Variants in CNTN5 observed in about 807,000 individuals in gnomAD.
The protein encoded by CNTN5 is contactin-5.
A neutral mutation model predicts 129.1 loss-of-function variants in CNTN5; 77 were observed. That is an observed-to-expected ratio of 0.60 (90% CI 0.50 to 0.72). The LOEUF is 0.72. CNTN5 is among the 30% of genes least tolerant of loss of function. CNTN5 has a pLI of 0.00. For missense variants in CNTN5, 1,478 were observed against 1,328.8 expected (o/e 1.11, Z -1.75); for synonymous variants, 509 against 465.6 (o/e 1.09, Z -1.20).
chr11:99,866,185 T>C (rs1565619789), intron 6 of CNTN5, among the ~76,000 whole-genome samples: 1 of 152,160 alleles, frequency 6.6e-6, no homozygotes, highest in Non-Finnish European at 1.5e-5. Flanking sequence ...ATGGTTTTGC[T>C]CTCTAGTGCA....
At chr11:100,304,446 A>G (rs1303924380) in intron 20 of CNTN5, among the ~76,000 whole-genome samples, 1 of 151,606 alleles carries the variant, frequency 6.6e-6, no homozygotes, top group Non-Finnish European at 1.5e-5. Context: ...GACATGACTG[A>G]GAAGGAGCTG....
chr11:99,355,069 T>C (rs1938549095), intron 2 of CNTN5, among the ~76,000 whole-genome samples: 1 of 152,206 alleles, frequency 6.6e-6, no homozygotes, highest in Non-Finnish European at 1.5e-5. Flanking sequence ...TGCTCCCTTA[T>C]TTTATTTAAA....
intron 15 of CNTN5, among the ~76,000 whole-genome samples, chr11:100,214,363 C>T (rs577126600): frequency 6.6e-6 from 1 of 152,226 alleles, no homozygotes; most frequent in Admixed American, 6.5e-5. Flanking sequence ...TCGTGCTAGG[C>T]CTTCTTTCCA....
chr11:99,651,380 A>G (rs895057590), intron 3 of CNTN5, among the ~76,000 whole-genome samples: 1 of 151,966 alleles, frequency 6.6e-6, no homozygotes, highest in Non-Finnish European at 1.5e-5. Flanking sequence ...AAAATTCTAA[A>G]GGAACAATAT....
chr11:99,857,785 C>A (rs1948085133), intron 6 of CNTN5, among the ~76,000 whole-genome samples: 2 of 151,956 alleles, frequency 1.3e-5, no homozygotes, highest in Admixed American at 6.6e-5. Flanking sequence ...GAAGAAAACT[C>A]TCTGACTTTC....
intron 13 of CNTN5, among the ~76,000 whole-genome samples, chr11:100,123,899 T>A (rs1478639984): frequency 6.6e-6 from 1 of 151,986 alleles, no homozygotes; most frequent in African/African-American, 2.4e-5. Flanking sequence ...TAAAACAAAG[T>A]TTGGAAATTA....
intron 13 of CNTN5, among the ~76,000 whole-genome samples, chr11:100,081,958 A>G (rs1944383110): frequency 6.6e-6 from 1 of 152,202 alleles, no homozygotes; most frequent in African/African-American, 2.4e-5. Context: ...AAATATTGCC[A>G]ATTGGCAAAA....
chr11:99,374,103 A>G (rs925201639), intron 2 of CNTN5, among the ~76,000 whole-genome samples: 1 of 152,180 alleles, frequency 6.6e-6, no homozygotes, highest in African/African-American at 2.4e-5. Flanking sequence ...TCAGAAGGTC[A>G]TTTGCAATTC....
At chr11:99,727,097 G>A (rs1943367605) in intron 3 of CNTN5, among the ~76,000 whole-genome samples, 1 of 150,684 alleles carries the variant, frequency 6.6e-6, no homozygotes, top group Admixed American at 6.6e-5. Context: ...ATGAGGTCAG[G>A]AGATCGAGAC....
chr11:99,936,339 G>A (rs1431831521), intron 7 of CNTN5, among the ~76,000 whole-genome samples: 1 of 152,178 alleles, frequency 6.6e-6, no homozygotes, highest in Non-Finnish European at 1.5e-5. Context: ...GTTTAGTAAA[G>A]TTCTAAAACT....
chr11:99,553,261 A>G (rs1948554252), intron 2 of CNTN5, among the ~76,000 whole-genome samples: 1 of 152,150 alleles, frequency 6.6e-6, no homozygotes, highest in African/African-American at 2.4e-5. Context: ...TAATCTCACA[A>G]TGCACAGCAG....
At chr11:100,001,332 G>A (rs1939862741) in intron 8 of CNTN5, among the ~76,000 whole-genome samples, 1 of 152,114 alleles carries the variant, frequency 6.6e-6, no homozygotes, top group Non-Finnish European at 1.5e-5. Flanking sequence ...AGAACAGCAT[G>A]GGGGAATCTA....
chr11:99,067,368 A>G (rs1865142254), intron 1 of CNTN5, among the ~76,000 whole-genome samples: 1 of 151,842 alleles, frequency 6.6e-6, no homozygotes, highest in Non-Finnish European at 1.5e-5. Context: ...TAAAATAAAT[A>G]TTGGCAGTTC....
At chr11:99,591,936 A>G (rs868142119) in intron 3 of CNTN5, among the ~76,000 whole-genome samples, 4 of 152,202 alleles carry the variant, frequency 2.6e-5, no homozygotes, top group Admixed American at 6.5e-5. Context: ...TCCAATAGAG[A>G]TGGAGAAAAG....
chr11:99,663,638 A>T (rs867355082), intron 3 of CNTN5, among the ~76,000 whole-genome samples: 1 of 152,132 alleles, frequency 6.6e-6, no homozygotes, highest in Non-Finnish European at 1.5e-5. Context: ...GGTTTCCCCC[A>T]TGCTGTTCTC....
At chr11:99,476,161 AT>A (rs1389325052) in intron 2 of CNTN5, among the ~76,000 whole-genome samples, 1 of 151,862 alleles carries the variant, frequency 6.6e-6, no homozygotes, top group Non-Finnish European at 1.5e-5. Context: ...TTTTATATTT[AT>A]TTTTCTTTGA....
chr11:99,223,127 G>T (rs1004069480), intron 1 of CNTN5, among the ~76,000 whole-genome samples: 44 of 152,088 alleles, frequency 2.9e-4, no homozygotes, highest in African/African-American at 1.0e-3. Flanking sequence ...AGACCTTGTC[G>T]ATAGCAAAGC....
chr11:99,739,540 T>C (rs1943824085), intron 3 of CNTN5, among the ~76,000 whole-genome samples: 1 of 152,038 alleles, frequency 6.6e-6, no homozygotes, highest in African/African-American at 2.4e-5. Context: ...AAAACACATC[T>C]CTCTGAAAAA....
At chr11:99,501,238 G>T (rs1251037739) in intron 2 of CNTN5, among the ~76,000 whole-genome samples, 1 of 152,088 alleles carries the variant, frequency 6.6e-6, no homozygotes, top group Non-Finnish European at 1.5e-5. Flanking sequence ...AATTATAATT[G>T]GGACGCTCAG....
Sources: gnomAD v4.1 joint callset for allele counts (sites outside exome capture counted in the v4.1 genomes callset) on GRCh38, gnomAD v4.1.1 for gene constraint, MANE v1.5 for transcripts, NCBI Gene and HGNC (gene_info 2026-07-23, HGNC 2026-07-21) for gene names.